SHANK2: variants seen among roughly 807,000 people sequenced by gnomAD.
SHANK2 encodes the protein SH3 and multiple ankyrin repeat domains protein 2.
A neutral mutation model predicts 133.7 loss-of-function variants in SHANK2; 43 were observed. The ratio of observed to expected loss-of-function variants is 0.32; its 90% CI spans 0.25 to 0.41. SHANK2 has a LOEUF of 0.41. Among genes scored for constraint, SHANK2 ranks in the 10% least tolerant of loss-of-function variants. The pLI, the probability that SHANK2 is intolerant of heterozygous loss-of-function variation, is 1.00. For synonymous variants in SHANK2, 1,017 were observed against 952.8 expected (o/e 1.07, Z -1.24); for missense variants, 1,994 against 2,235.8 (o/e 0.89, Z 2.18).
At chr11:70,496,035 C>T (rs111831462) in intron 21 of SHANK2, among the ~76,000 whole-genome samples, 2 of 152,086 alleles carry the variant, frequency 1.3e-5, no homozygotes, top group Non-Finnish European at 2.9e-5. Context: ...GGCTGAATAG[C>T]GGAGGTGAGG....
chr11:70,486,258 C>T lies in SHANK2; in HGVS notation c.4035G>A (p.Pro1345=), dbSNP rs377472065. ...CGGAAACACCTTCTGGCACCTCGGA[C>T]GGCGAGCTGTCTGGCTTCATCTCCA... is the stretch of plus-strand genomic sequence containing the variant. ...AEVEMKPDSS[P]SEVPEGVSET... Residue 1345 remains proline (P), a synonymous_variant, in exon 25 of 26, where the codon CCG becomes CCA. Transcript: ENST00000601538. The surrounding 1 kb of genome is among the most constrained non-coding windows in gnomAD (Gnocchi z 8.0). 2.5e-6 allele frequency: 4 copies of T among 1,614,002 alleles called. No homozygotes were observed. The highest frequency in any genetic ancestry group is 1.7e-5 in the Admixed American group (1 of 60,028).
chr11:70,582,684 C>T (rs2060199476), intron 17 of SHANK2, among the ~76,000 whole-genome samples: 1 of 152,156 alleles, frequency 6.6e-6, no homozygotes, highest in Non-Finnish European at 1.5e-5. Context: ...TGTCGGGGTC[C>T]CTGAAGGGGC....
At chr11:70,858,893 C>T (rs186864389) in intron 11 of SHANK2, among the ~76,000 whole-genome samples, 122 of 152,354 alleles carry the variant, frequency 8.0e-4, no homozygotes, top group Non-Finnish European at 1.2e-3. Context: ...AATGTGCTGT[C>T]CACACACCTG....
intron 1 of SHANK2, among the ~76,000 whole-genome samples, chr11:71,239,723 C>T (rs1954864985): frequency 6.6e-6 from 1 of 152,232 alleles, no homozygotes; most frequent in South Asian, 2.1e-4. Flanking sequence ...CACCTACCCA[C>T]ATCGGCCTCC....
intron 2 of SHANK2, among the ~76,000 whole-genome samples, chr11:71,202,318 T>C (rs1954034445): frequency 6.6e-6 from 1 of 152,158 alleles, no homozygotes; most frequent in South Asian, 2.1e-4. Flanking sequence ...TCTCAGAATG[T>C]GCACAGCAGC....
intron 7 of SHANK2, among the ~76,000 whole-genome samples, chr11:71,093,023 C>G (rs913118738): frequency 8.4e-6 from 1 of 118,820 alleles, no homozygotes; most frequent in East Asian, 2.6e-4. Flanking sequence ...GCCTGGGCAA[C>G]AAGAGCAAAG....
chr11:70,490,507 C>G, intron 22 of SHANK2, 120 bp from the exon 23 acceptor site: 1 of 835,554 alleles, frequency 1.2e-6, no homozygotes, highest in South Asian at 1.4e-5. Context: ...GCTTCTGGAG[C>G]CACCTAAAGT....
In SHANK2 at chr11:70,569,246, G is replaced by A. The variant is rs1490896428; in HGVS notation, c.2062-66315C>T. ...GGGCCATCCCGAGCCTAAGTGTGTAGTGACCCCAGGGGAGGCTGGTGGCTA... is the reference window on the plus strand; with the variant it reads ...GGGCCATCCCGAGCCTAAGTGTGTAATGACCCCAGGGGAGGCTGGTGGCTA... On this transcript the variant is annotated intron_variant, in intron 17 of 25. Transcript: ENST00000601538. The surrounding 1 kb of genome is among the most constrained non-coding windows in gnomAD (Gnocchi z 5.1). Among the ~76,000 whole-genome samples, 3 of 152,216 alleles carry A rather than the reference G, an allele frequency of 2.0e-5. No individual in the cohort carries two copies. Among genetic ancestry groups the A allele is most frequent in the Admixed American group, 2.0e-4 (3 of 15,290 alleles).
chr11:70,858,385 T>G (rs567259819), intron 11 of SHANK2, among the ~76,000 whole-genome samples: 1 of 152,336 alleles, frequency 6.6e-6, no homozygotes, highest in South Asian at 2.1e-4. Flanking sequence ...GGCATGGCAG[T>G]GTGCCATGCA....
At position 70,500,524 on chromosome 11, in the gene SHANK2, G is replaced by T. The variant is rs570792469; in HGVS notation, c.2308+46C>A. ...CACAAAGGATGTTTCTGTTCCACAG[G>T]GGGGTGATGGGCAGGGGGCTGAGAC... On this transcript the variant is annotated intron_variant, in intron 21 of 25. Transcript: ENST00000601538. The surrounding 1 kb of genome is among the most constrained non-coding windows in gnomAD (Gnocchi z 4.5). The T allele has an allele frequency of 1.5e-5, 24 of 1,588,922 alleles. No individual in the cohort carries two copies. Among genetic ancestry groups the T allele is most frequent in the Middle Eastern group, 1.7e-4 (1 of 6,058 alleles).
rs35881033 is a variant in SHANK2, at chr11:70,865,158, C to T, written c.1174+31343G>A. The T allele has an allele frequency of 2.6e-5, 4 of 152,260 alleles. No individual in the cohort carries two copies. The East Asian group carries it at 7.7e-4, about 29-fold the overall frequency. 9.4% of individuals were successfully genotyped at this position (152,260 alleles called of 1,614,324 possible). A position where few individuals can be genotyped will look rare whatever the true frequency, so the allele number is the denominator to read the frequency against. On this transcript the variant is annotated intron_variant, in intron 11 of 25. Transcript: ENST00000601538. ...ACTTTGCTGCAGTGGCCTGAGCGGG[C>T]TAAGACCTTCCTCCTTGGAGATCCC...
intron 1 of SHANK2, among the ~76,000 whole-genome samples, chr11:71,251,583 C>A (rs554766560): frequency 1.3e-5 from 2 of 151,594 alleles, no homozygotes; most frequent in African/African-American, 2.4e-5. Flanking sequence ...GATGCCCGGG[C>A]GAAAGTTGCC....
chr11:71,251,174 G>A (rs1360936489), intron 1 of SHANK2, among the ~76,000 whole-genome samples: 12 of 150,484 alleles, frequency 8.0e-5, no homozygotes, highest in African/African-American at 3.0e-4. Flanking sequence ...TTAAAAGATC[G>A]GCTGCGAAAA....
At chr11:70,863,174 G>C in intron 11 of SHANK2, 1 of 366,674 alleles carries the variant, frequency 2.7e-6, no homozygotes, top group South Asian at 2.0e-5. Flanking sequence ...AGGCCAGACA[G>C]CAGGTGAGAG....
intron 15 of SHANK2, among the ~76,000 whole-genome samples, chr11:70,681,358 C>A (rs1314248241): frequency 6.6e-5 from 10 of 152,170 alleles, no homozygotes; most frequent in African/African-American, 2.4e-4. Context: ...TTTGATGCTG[C>A]CAAATTTCCG....
chr11:70,601,200 T>C (rs1554991004), intron 17 of SHANK2, among the ~76,000 whole-genome samples: 3 of 148,470 alleles, frequency 2.0e-5, no homozygotes, highest in Non-Finnish European at 4.4e-5. Flanking sequence ...TATAGGTGCA[T>C]GCAACCACGC....
chr11:70,495,471 G>A (rs1003674355), intron 21 of SHANK2, among the ~76,000 whole-genome samples: 3 of 152,198 alleles, frequency 2.0e-5, no homozygotes, highest in African/African-American at 7.2e-5. Context: ...CCCTGGAAAT[G>A]GGGGCGCTAG....
intron 11 of SHANK2, among the ~76,000 whole-genome samples, chr11:70,840,326 C>G (rs891769013): frequency 6.6e-6 from 1 of 152,192 alleles, no homozygotes; most frequent in Non-Finnish European, 1.5e-5. Context: ...AGGGCAGGTC[C>G]GCAGACCCAC....
upstream of SHANK2, among the ~76,000 whole-genome samples, chr11:71,252,901 T>G (rs549331622): frequency 2.6e-5 from 4 of 152,196 alleles, no homozygotes; most frequent in Non-Finnish European, 5.9e-5. The surrounding 1 kb of genome is among the most constrained non-coding windows in gnomAD (Gnocchi z 6.3). Flanking sequence ...CTGATTTTTG[T>G]AAAGTCCGGT....
Sources: allele counts gnomAD v4.1 joint callset (sites outside exome capture counted in the v4.1 genomes callset), GRCh38; gene constraint gnomAD v4.1.1; non-coding constraint Gnocchi (gnomAD v3.1); transcripts MANE v1.5; gene names NCBI Gene and HGNC (gene_info 2026-07-23, HGNC 2026-07-21).